THEMIS: variants seen among roughly 807,000 people sequenced by gnomAD.
The protein encoded by THEMIS is protein THEMIS.
A neutral mutation model predicts 52.6 loss-of-function variants in THEMIS; 37 were observed. The observed-to-expected ratio is 0.70, with a 90% confidence interval of 0.54 to 0.93. The LOEUF is 0.93. THEMIS is among the 40% of genes least tolerant of loss of function. The pLI, the probability that THEMIS is intolerant of heterozygous loss-of-function variation, is 0.00. For synonymous variants in THEMIS, 292 were observed against 272.7 expected, an observed-to-expected ratio of 1.07 and a Z score of -0.70; for missense variants, 808 against 763.1, an observed-to-expected ratio of 1.06 and a Z score of -0.69.
At chr6:127,892,184 C>A (rs1229631120) in intron 1 of THEMIS, among the ~76,000 whole-genome samples, 3 of 152,176 alleles carry the variant, frequency 2.0e-5, no homozygotes, top group Non-Finnish European at 4.4e-5. Flanking sequence ...CACCATCCTT[C>A]CCCCAATTCC....
At chr6:127,785,757 C>G (rs1048188557) in intron 4 of THEMIS, among the ~76,000 whole-genome samples, 15 of 151,822 alleles carry the variant, frequency 9.9e-5, no homozygotes, top group African/African-American at 3.6e-4. Flanking sequence ...TGAAGTGACT[C>G]ATTATATGAG....
intron 2 of THEMIS, among the ~76,000 whole-genome samples, chr6:127,846,237 G>GA (rs1192907961): frequency 1.3e-5 from 2 of 151,790 alleles, no homozygotes; most frequent in Non-Finnish European, 2.9e-5. Context: ...GCAAGCCCTG[G>GA]AAAAAGGAAA....
chr6:127,798,204 T>A (rs1777395022), intron 4 of THEMIS, among the ~76,000 whole-genome samples: 1 of 152,236 alleles, frequency 6.6e-6, no homozygotes. Flanking sequence ...ATTTTTCTCT[T>A]TTCTAAAATA....
chr6:127,866,949 TTTTATTTATTTA>T (rs10627698), intron 1 of THEMIS, among the ~76,000 whole-genome samples: 3 of 145,698 alleles, frequency 2.1e-5, no homozygotes, highest in Non-Finnish European at 3.0e-5. Context: ...TTTATTTTTA[TTTTATTTATTTA>T]TTTATTTATT....
chr6:127,870,072 G>T (rs903541901), intron 1 of THEMIS, among the ~76,000 whole-genome samples: 1 of 152,102 alleles, frequency 6.6e-6, no homozygotes, highest in Non-Finnish European at 1.5e-5. Flanking sequence ...CCCTGTCAGG[G>T]AAATCAGGAG....
intron 4 of THEMIS, among the ~76,000 whole-genome samples, chr6:127,806,417 T>C (rs1248250338): frequency 6.6e-6 from 1 of 152,176 alleles, no homozygotes; most frequent in African/African-American, 2.4e-5. Flanking sequence ...TGGGGGACAG[T>C]ATTAGCTAAT....
intron 4 of THEMIS, among the ~76,000 whole-genome samples, chr6:127,732,003 G>T (rs1481646693): frequency 6.8e-6 from 1 of 147,548 alleles, no homozygotes; most frequent in East Asian, 2.0e-4. Context: ...ACCTTGCCTG[G>T]CCATTTTTTT....
At chr6:127,902,367 T>C (rs564315765), upstream of THEMIS, among the ~76,000 whole-genome samples, 2 of 150,266 alleles carry the variant, frequency 1.3e-5, no homozygotes, top group East Asian at 1.9e-4. Flanking sequence ...GGTTGGTATG[T>C]ATACACTTGA....
intron 5 of THEMIS, among the ~76,000 whole-genome samples, chr6:127,714,138 G>A (rs17300134): frequency 0.015 from 2,219 of 151,938 alleles, 19 homozygotes; most frequent in Middle Eastern, 0.027. Context: ...TTCTTCTAGT[G>A]CATTATTTTT....
chr6:127,890,703 T>C (rs1025587962), intron 1 of THEMIS, among the ~76,000 whole-genome samples: 1 of 152,120 alleles, frequency 6.6e-6, no homozygotes, highest in African/African-American at 2.4e-5. Flanking sequence ...CCCATAAATA[T>C]GTACAATTAT....
intron 2 of THEMIS, among the ~76,000 whole-genome samples, chr6:127,833,646 T>C (rs562822470): frequency 9.8e-5 from 15 of 152,288 alleles, no homozygotes; most frequent in African/African-American, 3.1e-4. Context: ...CCAGATGCCA[T>C]GGTGTGAGAA....
At chr6:127,735,065 A>G (rs183445690) in intron 4 of THEMIS, among the ~76,000 whole-genome samples, 75 of 151,272 alleles carry the variant, frequency 5.0e-4, no homozygotes, top group Non-Finnish European at 8.8e-4. Flanking sequence ...GAAGATCATT[A>G]CTAGATTAGG....
At chr6:127,738,583 C>A (rs1775087856) in intron 4 of THEMIS, among the ~76,000 whole-genome samples, 1 of 152,188 alleles carries the variant, frequency 6.6e-6, no homozygotes, top group Non-Finnish European at 1.5e-5. Context: ...GATTATTCTG[C>A]AACTCCATTT....
chr6:127,835,850 T>C (rs1778858918), intron 2 of THEMIS, among the ~76,000 whole-genome samples: 1 of 152,128 alleles, frequency 6.6e-6, no homozygotes, highest in Non-Finnish European at 1.5e-5. Flanking sequence ...GGAGAAATAT[T>C]TCCAGGTTGC....
intron 2 of THEMIS, among the ~76,000 whole-genome samples, chr6:127,836,223 T>C (rs1778870038): frequency 6.6e-6 from 1 of 152,158 alleles, no homozygotes; most frequent in South Asian, 2.1e-4. Flanking sequence ...CTGATTGTGT[T>C]GTTCAGTATT....
Position 127,806,724 on chromosome 6 carries a change from T to C in THEMIS, c.1758+6159A>G, listed in dbSNP as rs151242249. On this transcript the variant is annotated intron_variant, in intron 4 of 5. Coordinates refer to ENST00000368248, the MANE Select transcript of THEMIS (RefSeq NM_001010923.3). ...AATTATACCAACTCAGCTATCCAGA[T>C]AGAAGTATCAACACAGTACATGTCA... Among the ~76,000 whole-genome samples the C allele has an allele frequency of 3.5e-3, 538 of 152,288 alleles. 3 individuals are homozygous for C. Among genetic ancestry groups the C allele is most frequent in the African/African-American group, 0.012 (500 of 41,552 alleles).
intron 1 of THEMIS, among the ~76,000 whole-genome samples, chr6:127,862,900 T>C (rs902096464): frequency 6.6e-6 from 1 of 152,180 alleles, no homozygotes; most frequent in Non-Finnish European, 1.5e-5. Flanking sequence ...TCTAGGTGAC[T>C]ATCCATCAGT....
At chr6:127,853,580 A>G (rs188873227) in intron 2 of THEMIS, among the ~76,000 whole-genome samples, 2 of 151,770 alleles carry the variant, frequency 1.3e-5, no homozygotes, top group Non-Finnish European at 3.0e-5. Flanking sequence ...CACTTGAAAA[A>G]ATCCTCACTT....
At chr6:127,762,088 A>G (rs1423153562) in intron 4 of THEMIS, among the ~76,000 whole-genome samples, 1 of 152,164 alleles carries the variant, frequency 6.6e-6, no homozygotes, top group Non-Finnish European at 1.5e-5. Context: ...AAAAAGAAGG[A>G]AATTCTGCAG....
Sources: gnomAD v4.1 joint callset for allele counts (sites outside exome capture counted in the v4.1 genomes callset) on GRCh38, gnomAD v4.1.1 for gene constraint, MANE v1.5 for transcripts, NCBI Gene and HGNC (gene_info 2026-07-23, HGNC 2026-07-21) for gene names.